Variants in TNFAIP8 observed in about 807,000 individuals in gnomAD.
The protein encoded by TNFAIP8 is tumor necrosis factor alpha-induced protein 8.
TNFAIP8 carries 7 observed loss-of-function variants against 13.3 expected under a neutral mutation model. The ratio of observed to expected loss-of-function variants is 0.52; its 90% CI spans 0.30 to 0.99. The LOEUF is 0.99. Among genes scored for constraint, TNFAIP8 ranks in the 50% least tolerant of loss-of-function variants. The pLI, the probability that TNFAIP8 is intolerant of heterozygous loss-of-function variation, is 0.07. For synonymous variants in TNFAIP8, 94 were observed against 87.6 expected (o/e 1.07, Z -0.41); for missense variants, 258 against 236.9 (o/e 1.09, Z -0.58).
intron 1 of TNFAIP8, among the ~76,000 whole-genome samples, chr5:119,289,664 T>C (rs1748923002): frequency 6.6e-6 from 1 of 152,216 alleles, no homozygotes; most frequent in Non-Finnish European, 1.5e-5. Flanking sequence ...ATTGCCAGCC[T>C]CTTCCTCCTG....
intron 1 of TNFAIP8, 103 bp downstream of exon 1, chr5:119,356,224 C>A (rs1037638364): frequency 4.6e-6 from 5 of 1,076,040 alleles, no homozygotes; most frequent in Non-Finnish European, 6.6e-6. Context: ...GCGGTGGGCA[C>A]TTTGTCCGCT....
chr5:119,387,951 G>C (rs1223676942), intron 1 of TNFAIP8, among the ~76,000 whole-genome samples: 1 of 152,070 alleles, frequency 6.6e-6, no homozygotes, highest in Non-Finnish European at 1.5e-5. Context: ...CAAGTGAATT[G>C]ATCTTAAGAG....
At chr5:119,356,575 G>A (rs1180442498) in intron 1 of TNFAIP8, among the ~76,000 whole-genome samples, 1 of 151,954 alleles carries the variant, frequency 6.6e-6, no homozygotes, top group East Asian at 1.9e-4. Flanking sequence ...CTGAGTGAGG[G>A]GAAGCGAAAA....
rs888190009 is a variant in TNFAIP8, at chr5:119,315,052, T to G, written c.1+46145T>G. 2.6e-5 allele frequency among the ~76,000 whole-genome samples: 4 copies of G among 151,736 alleles called. No homozygotes were observed. In the East Asian group the frequency reaches 5.8e-4, roughly 22 times the overall value. On this transcript the variant is annotated intron_variant, in intron 1 of 1. Coordinates refer to the TNFAIP8 transcript ENST00000274456. ...ACTCACCACTACGCCCGGCTAATTT[T>G]TGTGTGTGTGTGGTTTTTTGTTTTG... is the stretch of plus-strand genomic sequence containing the variant.
rs1258599832 is a variant in TNFAIP8 at position 119,356,930 on chromosome 5, G to C, written c.31+809G>C. The stretch of plus-strand genomic sequence containing the variant: ...GGGGGTGGGAGTAAGGGTGGTTGGG[G>C]AAAATTAGAGAGTAAGAGAGGAGAC... On this transcript the variant is annotated intron_variant, in intron 1 of 1. Transcript: ENST00000504771. Among the ~76,000 whole-genome samples, 3 of 152,116 alleles carry C rather than the reference G, an allele frequency of 2.0e-5. 1 individual carries two copies. The South Asian group carries it at 6.2e-4, about 31-fold the overall frequency.
At chr5:119,363,730 A>G (rs1186858048) in intron 1 of TNFAIP8, among the ~76,000 whole-genome samples, 3 of 152,190 alleles carry the variant, frequency 2.0e-5, no homozygotes, top group Admixed American at 6.5e-5. Context: ...ACGTCCTATA[A>G]TTTAACTCAT....
chr5:119,276,319 T>A (rs1235417092), intron 1 of TNFAIP8, among the ~76,000 whole-genome samples: 1 of 152,084 alleles, frequency 6.6e-6, no homozygotes, highest in East Asian at 1.9e-4. Context: ...GGTTTCACCA[T>A]GTTGGCCAGG....
chr5:119,398,224 G>A lies in TNFAIP8; in HGVS notation c.*4843G>A, dbSNP rs565393359. On this transcript the variant is annotated 3_prime_UTR_variant, in exon 2 of 2. Transcript: ENST00000504771. ...ACATCAGCTGCATAACTGTATTTCT[G>A]CCTCGTGGAAATAAAGTAGATGATC... is the stretch of plus-strand genomic sequence containing the variant. 2 of 152,128 alleles carry A rather than the reference G, an allele frequency of 1.3e-5. No individual in the cohort carries two copies. Among genetic ancestry groups the A allele is most frequent in the African/African-American group, 2.4e-5 (1 of 41,436 alleles). The allele number at this position is 152,128 out of a possible 1,614,324, so 9.4% of individuals were successfully genotyped here. A position where few individuals can be genotyped will look rare whatever the true frequency, so the allele number is the denominator to read the frequency against.
intron 1 of TNFAIP8, among the ~76,000 whole-genome samples, chr5:119,293,322 T>G (rs1481670021): frequency 6.6e-6 from 1 of 152,200 alleles, no homozygotes; most frequent in Non-Finnish European, 1.5e-5. Context: ...TCCTGTCTAA[T>G]TGAAATTTTA....
At chr5:119,283,016 C>T (rs1040263669) in intron 1 of TNFAIP8, among the ~76,000 whole-genome samples, 9 of 152,312 alleles carry the variant, frequency 5.9e-5, no homozygotes, top group Middle Eastern at 3.4e-3. Context: ...TCCTCCTGGT[C>T]GGTCATACAT....
intron 1 of TNFAIP8, among the ~76,000 whole-genome samples, chr5:119,348,477 G>GT (rs1165269877): frequency 1.3e-5 from 2 of 152,154 alleles, no homozygotes; most frequent in African/African-American, 4.8e-5. Flanking sequence ...AAATGGAGTT[G>GT]TTTTTTCAAG....
upstream of TNFAIP8, chr5:119,355,705 T>C (rs1751370275): frequency 3.6e-6 from 1 of 277,794 alleles, no homozygotes; most frequent in Non-Finnish European, 6.7e-6. Flanking sequence ...TACCTTTTTT[T>C]CCGCCCGTCT....
intron 1 of TNFAIP8, among the ~76,000 whole-genome samples, chr5:119,328,607 G>A (rs1440295282): frequency 6.6e-6 from 1 of 152,192 alleles, no homozygotes; most frequent in Admixed American, 6.5e-5. Context: ...AATCAGTGAT[G>A]ACTGAGTGAC....
intron 1 of TNFAIP8, among the ~76,000 whole-genome samples, chr5:119,374,492 G>A (rs1332994112): frequency 6.6e-6 from 1 of 152,208 alleles, no homozygotes; most frequent in African/African-American, 2.4e-5. Flanking sequence ...GATGGAGAAG[G>A]TAACATTTTG....
At chr5:119,303,243 T>A (rs1749450006) in intron 1 of TNFAIP8, among the ~76,000 whole-genome samples, 2 of 152,242 alleles carry the variant, frequency 1.3e-5, no homozygotes, top group African/African-American at 4.8e-5. Context: ...AGAATATGCT[T>A]ACTTTAATGA....
chr5:119,347,176 G>A (rs1750932147), intron 1 of TNFAIP8, among the ~76,000 whole-genome samples: 1 of 152,200 alleles, frequency 6.6e-6, no homozygotes, highest in Admixed American at 6.5e-5. Context: ...TTATCAGTGT[G>A]TGAGATGCTC....
chr5:119,329,929 C>T (rs1248537772), intron 1 of TNFAIP8, among the ~76,000 whole-genome samples: 3 of 152,020 alleles, frequency 2.0e-5, no homozygotes, highest in Admixed American at 6.6e-5. Flanking sequence ...ATCTGGAAAA[C>T]GCTTCTGAGC....
upstream of TNFAIP8, chr5:119,355,958 G>A: frequency 1.4e-6 from 2 of 1,467,136 alleles, no homozygotes; most frequent in East Asian, 2.8e-5. Flanking sequence ...CTCCCGCCCC[G>A]GGGAGGTTTT....
At chr5:119,325,794 A>G (rs1750207817) in intron 1 of TNFAIP8, among the ~76,000 whole-genome samples, 1 of 152,122 alleles carries the variant, frequency 6.6e-6, no homozygotes. Context: ...CCGTCACTGT[A>G]GCCACACCAG....
Sources: gnomAD v4.1 joint callset for allele counts (sites outside exome capture counted in the v4.1 genomes callset) on GRCh38, gnomAD v4.1.1 for gene constraint, MANE v1.5 for transcripts, NCBI Gene and HGNC (gene_info 2026-07-23, HGNC 2026-07-21) for gene names.